Variants in CCND3 observed in about 807,000 individuals in gnomAD.
CCND3 encodes the protein G1/S-specific cyclin-D3.
A neutral mutation model predicts 28.7 loss-of-function variants in CCND3; 9 were observed. The observed-to-expected ratio is 0.31, with a 90% CI of 0.19 to 0.55. The LOEUF (loss-of-function observed/expected upper bound fraction) is 0.55, where lower values mean the gene tolerates loss of function less well. CCND3 is among the 20% of genes least tolerant of loss of function. The probability of loss-of-function intolerance (pLI) is 0.93; values close to 1 mark genes in which losing one functional copy is unlikely to be tolerated. For missense variants in CCND3, 315 were observed against 385.8 expected (o/e 0.82, Z 1.54); for synonymous variants, 164 against 163.9 (o/e 1.00, Z 0.00).
intron 1 of CCND3, among the ~76,000 whole-genome samples, chr6:41,963,093 C>A (rs965602656): frequency 6.6e-6 from 1 of 152,212 alleles, no homozygotes; most frequent in Non-Finnish European, 1.5e-5. Context: ...GACCTAAATT[C>A]TCCGTCCAGC....
upstream of CCND3, chr6:42,049,905 G>C (rs1252892057): frequency 2.0e-5 from 3 of 152,284 alleles, no homozygotes; most frequent in African/African-American, 7.2e-5. Context: ...GCTGGGCCCA[G>C]CCAGGTGTTA....
At position 42,030,807 on chromosome 6, in the gene CCND3, C is replaced by T. The variant is rs200402382; in HGVS notation, c.-46+17694G>A. ...TCACTCCTTCCAGACAGCTGGAGAG[C>T]GGCCCCAGAGCCTCTGGCTCAGGGG... On this transcript the variant is annotated intron_variant, in intron 1 of 4. Transcript: ENST00000372988. 3.2e-3 allele frequency among the ~76,000 whole-genome samples: 487 copies of T among 152,246 alleles called. 2 individuals are homozygous for T. The highest frequency in any genetic ancestry group is 5.4e-3 in the Non-Finnish European group (368 of 67,992).
chr6:42,033,139 T>C (rs139544100), intron 1 of CCND3, among the ~76,000 whole-genome samples: 1 of 152,276 alleles, frequency 6.6e-6, no homozygotes, highest in East Asian at 1.9e-4. Context: ...AGGGTAAGTA[T>C]TGTTCAGTGA....
upstream of CCND3, among the ~76,000 whole-genome samples, chr6:41,943,394 T>G (rs1285596336): frequency 6.9e-6 from 1 of 145,222 alleles, no homozygotes; most frequent in East Asian, 2.1e-4. Flanking sequence ...GTAAGCTTTT[T>G]TCATTAAAAA....
At chr6:42,044,023 G>C (rs1419401555) in intron 1 of CCND3, among the ~76,000 whole-genome samples, 2 of 152,214 alleles carry the variant, frequency 1.3e-5, no homozygotes, top group African/African-American at 4.8e-5. Context: ...TGCCACATTA[G>C]CTACCCTGCT....
intron 1 of CCND3, among the ~76,000 whole-genome samples, chr6:42,042,967 A>G (rs1487108594): frequency 6.6e-6 from 1 of 152,226 alleles, no homozygotes; most frequent in East Asian, 1.9e-4. Context: ...GAGAGATGGC[A>G]CAGATTAGTG....
At chr6:41,951,568 ACACACAC>A (rs1561958176) in intron 1 of CCND3, among the ~76,000 whole-genome samples, 110 of 103,174 alleles carry the variant, frequency 1.1e-3, no homozygotes, top group Non-Finnish European at 1.3e-3. Flanking sequence ...ACACACACAC[ACACACAC>A]AAAAAAAAAG....
chr6:41,984,382 T>C (rs1405137266), intron 1 of CCND3, among the ~76,000 whole-genome samples: 3 of 152,198 alleles, frequency 2.0e-5, no homozygotes, highest in South Asian at 4.1e-4. Context: ...GTTTCGCTCT[T>C]GTTGCCCAGG....
At chr6:42,008,503 G>A (rs1319583156) in intron 1 of CCND3, among the ~76,000 whole-genome samples, 1 of 152,180 alleles carries the variant, frequency 6.6e-6, no homozygotes, top group African/African-American at 2.4e-5. Flanking sequence ...GCTTTCCAGA[G>A]CTGCACCATT....
At chr6:42,042,364 G>GTTTT (rs34181861) in intron 1 of CCND3, among the ~76,000 whole-genome samples, 1 of 144,606 alleles carries the variant, frequency 6.9e-6, no homozygotes, top group Non-Finnish European at 1.5e-5. Context: ...TCGGAAGTGG[G>GTTTT]TTTTTTTTTT....
chr6:41,966,560 C>G (rs1175591083), intron 1 of CCND3, among the ~76,000 whole-genome samples: 1 of 152,136 alleles, frequency 6.6e-6, no homozygotes, highest in East Asian at 1.9e-4. Context: ...AGCACACCCT[C>G]CCCTCCCCAC....
At position 42,044,956 on chromosome 6, in the gene CCND3, CGTTTTTT is replaced by C. The variant is rs1175536865; in HGVS notation, c.-46+3538_-46+3544del. On this transcript the variant is annotated intron_variant, in intron 1 of 4. Transcript: ENST00000372988. ...GGCCCGTGCGACCACGCCCGGCTAA[CGTTTTTT>C]TTTTTTTTTTTTTTGTATTTTTAGT... is the stretch of plus-strand genomic sequence containing the variant. Among the ~76,000 whole-genome samples, 195 of 123,922 alleles carry C rather than the reference CGTTTTTT, an allele frequency of 1.6e-3. 3 individuals carry two copies. The highest frequency in any genetic ancestry group is 5.7e-3 in the African/African-American group (184 of 32,186). 81.3% of individuals were successfully genotyped at this position (123,922 alleles called of 152,430 possible).
At chr6:41,991,474 T>C (rs1303658876) in intron 1 of CCND3, among the ~76,000 whole-genome samples, 3 of 152,260 alleles carry the variant, frequency 2.0e-5, no homozygotes, top group East Asian at 1.9e-4. Context: ...TATTTTTTAA[T>C]TGATACATAA....
Position 41,936,864 on chromosome 6 carries a change from A to G in CCND3, c.575-169T>C. 1 of 662,604 alleles carries G rather than the reference A, an allele frequency of 1.5e-6. No homozygotes were observed. The highest frequency in any genetic ancestry group is 2.7e-5 in the East Asian group (1 of 36,486). 41.0% of individuals were successfully genotyped at this position (662,604 alleles called of 1,614,324 possible). A position where few individuals can be genotyped will look rare whatever the true frequency, so the allele number is the denominator to read the frequency against. On this transcript the variant is annotated intron_variant, in intron 3 of 4. Transcript: ENST00000372991. The surrounding 1 kb of genome is among the most constrained non-coding windows in gnomAD (Gnocchi z 4.4). ...ATATCAGCAAGGGAGGAAGACAGGA[A>G]AGAGTATCTTTCCTAGAGATCAGAA...
chr6:41,990,667 T>A (rs1215234265), intron 1 of CCND3, among the ~76,000 whole-genome samples: 19 of 490 alleles, frequency 0.039, no homozygotes, highest in East Asian at 0.1. Context: ...CTGATTTTTT[T>A]TTTTTTTTTT....
At chr6:41,990,936 C>T (rs1296579426) in intron 1 of CCND3, among the ~76,000 whole-genome samples, 1 of 151,918 alleles carries the variant, frequency 6.6e-6, no homozygotes, top group Non-Finnish European at 1.5e-5. Flanking sequence ...CCACCTCAGC[C>T]GCCCAAAGTG....
At position 42,029,237 on chromosome 6, in the gene CCND3, C is replaced by A. The variant is rs181492384; in HGVS notation, c.-46+19264G>T. On this transcript the variant is annotated intron_variant, in intron 1 of 4. Transcript: ENST00000372988. The stretch of plus-strand genomic sequence containing the variant: ...AGTTCCTGGCCTGAAGAGATCCTCC[C>A]GCCTTTGCCTCCTAAAGTGTTGGGA... 1.3e-4 allele frequency among the ~76,000 whole-genome samples: 20 copies of A among 152,072 alleles called. No homozygotes were observed. The East Asian group carries it at 3.9e-3, about 29-fold the overall frequency.
chr6:41,995,893 CT>C (rs1178587276), intron 1 of CCND3, among the ~76,000 whole-genome samples: 3 of 151,434 alleles, frequency 2.0e-5, no homozygotes, highest in Non-Finnish European at 4.4e-5. Context: ...GTCTCTATTT[CT>C]TTTTAATAAT....
intron 1 of CCND3, among the ~76,000 whole-genome samples, chr6:42,040,377 C>G (rs890677754): frequency 6.6e-6 from 1 of 152,092 alleles, no homozygotes; most frequent in South Asian, 2.1e-4. Flanking sequence ...GAGATCGTGC[C>G]ATTGCACTCC....
Sources: gnomAD v4.1 joint callset for allele counts (sites outside exome capture counted in the v4.1 genomes callset) on GRCh38, gnomAD v4.1.1 for gene constraint, Gnocchi (gnomAD v3.1) non-coding constraint, MANE v1.5 for transcripts, NCBI Gene and HGNC (gene_info 2026-07-23, HGNC 2026-07-21) for gene names.